ZFYVE26: variants seen among roughly 807,000 people sequenced by gnomAD.
ZFYVE26 encodes the protein zinc finger FYVE domain-containing protein 26.
ZFYVE26 carries 181 observed loss-of-function variants against 276.5 expected under a neutral mutation model. That is an observed-to-expected ratio of 0.65 (90% CI 0.58 to 0.74). ZFYVE26 has a LOEUF of 0.74. Among genes scored for constraint, ZFYVE26 ranks in the 30% least tolerant of loss-of-function variants. The probability of loss-of-function intolerance (pLI) is 0.00; values close to 1 mark genes in which losing one functional copy is unlikely to be tolerated. For missense variants in ZFYVE26, 2,821 were observed against 3,097.9 expected, an observed-to-expected ratio of 0.91 and a Z score of 2.12; for synonymous variants, 1,129 against 1,203.1, an observed-to-expected ratio of 0.94 and a Z score of 1.27.
In ZFYVE26 at chr14:67,807,912, A is replaced by T. The variant is rs753857000; in HGVS notation, c.372T>A (p.Tyr124Ter). ...CTACTGCACCCTGTGTTAAGGTCTC[A>T]TACAGCTCCTAAATAGAGGATGAAG... ...DIPENILEEL[Y>*]ETLTQGAVGH... The change falls in exon 5 of 42, where the codon TAT (tyrosine) becomes TAA (stop). Residue 124 changes from tyrosine (Y) to a stop codon, truncating the protein, a stop_gained. Transcript: ENST00000347230. LOFTEE classifies it high-confidence loss of function. 6.2e-7 allele frequency: 1 copy of T among 1,614,172 alleles called. No homozygotes were observed. Among genetic ancestry groups the T allele is most frequent in the Non-Finnish European group, 8.5e-7 (1 of 1,179,990 alleles).
chr14:67,758,126 G>C (rs2038836080), intron 35 of ZFYVE26, among the ~76,000 whole-genome samples: 1 of 152,190 alleles, frequency 6.6e-6, no homozygotes, highest in Non-Finnish European at 1.5e-5. Flanking sequence ...GGAGAGTCAA[G>C]GATGGCTATA....
chr14:67,784,192 A>C, intron 20 of ZFYVE26, 142 bp downstream of exon 20: 1 of 756,668 alleles, frequency 1.3e-6, no homozygotes, highest in Non-Finnish European at 2.4e-6. Flanking sequence ...TTAAATTTTC[A>C]GTTATATAAG....
intron 9 of ZFYVE26, 55 bp from the exon 10 acceptor site, chr14:67,802,337 A>G: frequency 1.3e-6 from 2 of 1,573,066 alleles, no homozygotes; most frequent in South Asian, 2.2e-5. Flanking sequence ...TCAGGATGCA[A>G]GTATGGGTGA....
At chr14:67,767,377 T>C (rs1266799530) in intron 31 of ZFYVE26, among the ~76,000 whole-genome samples, 1 of 152,118 alleles carries the variant, frequency 6.6e-6, no homozygotes, top group Non-Finnish European at 1.5e-5. Flanking sequence ...ACGGTGTCTT[T>C]GCTCAGATGT....
chr14:67,786,195 T>C lies in ZFYVE26; in HGVS notation c.3058A>G (p.Ile1020Val). ...IDHVLLNADGIRGFPVVLQQI... is the reference protein window; with the variant it reads ...IDHVLLNADGVRGFPVVLQQI... ...TGAAGAACAACTGGAAAACCTCGAA[T>C]GCCATCAGCATTTAGGAGTACGTGG... The change falls in exon 17 of 42, where the codon ATT becomes GTT. Residue 1020 changes from isoleucine (I) to valine (V), a missense_variant. Ile to Val is a conservative substitution (Grantham distance 29). Coordinates refer to ENST00000347230, the MANE Select transcript of ZFYVE26 (RefSeq NM_015346.4). 3 of 1,610,244 alleles carry C rather than the reference T, an allele frequency of 1.9e-6. No homozygotes were observed. The highest frequency in any genetic ancestry group is 2.5e-6 in the Non-Finnish European group (3 of 1,179,776).
At chr14:67,785,590 A>C (rs537599947) in intron 18 of ZFYVE26, among the ~76,000 whole-genome samples, 78 of 152,104 alleles carry the variant, frequency 5.1e-4, no homozygotes, top group African/African-American at 1.9e-3. Flanking sequence ...AGGGTTCATC[A>C]ATATTTACTA....
At chr14:67,812,033 A>G (rs1447682316) in intron 3 of ZFYVE26, among the ~76,000 whole-genome samples, 1 of 151,512 alleles carries the variant, frequency 6.6e-6, no homozygotes, top group East Asian at 1.9e-4. Context: ...GTCTAAGGCC[A>G]TTCATTCAGA....
At chr14:67,809,393 C>A in intron 3 of ZFYVE26, 104 bp from the exon 4 acceptor site, 1 of 689,738 alleles carries the variant, frequency 1.4e-6, no homozygotes, top group Non-Finnish European at 2.4e-6. Flanking sequence ...TGCTATTTCT[C>A]TAAGATGAAG....
chr14:67,767,982 G>T, intron 30 of ZFYVE26, 142 bp from the exon 31 acceptor site: 1 of 1,129,486 alleles, frequency 8.9e-7, no homozygotes, highest in Non-Finnish European at 1.3e-6. Context: ...CCTTTTGTTT[G>T]CTTTAGGACA....
intron 14 of ZFYVE26, among the ~76,000 whole-genome samples, chr14:67,792,913 CAAAAA>C (rs34041446): frequency 5.3e-5 from 3 of 56,808 alleles, no homozygotes; most frequent in Admixed American, 2.5e-4. Flanking sequence ...AAATCTGTCT[CAAAAA>C]AAAAAAAAAA....
At chr14:67,729,599 T>C in exon 14 of ZFYVE26, 1 of 636,874 alleles carries the variant, frequency 1.6e-6, no homozygotes. Flanking sequence ...TATACTCGTG[T>C]GCCGCTTTTC....
In ZFYVE26 at chr14:67,798,318, A is replaced by C. The variant is rs1466130502; in HGVS notation, c.1944T>G (p.His648Gln). Reference sequence around the variant, plus strand: ...AACTGTCTTTTGGCTCTGCCTTCACATGGCTTGGCATTGTATAAGCAAGGG... The same window carrying C: ...AACTGTCTTTTGGCTCTGCCTTCACCTGGCTTGGCATTGTATAAGCAAGGG... ...PKTLAYTMPS[H>Q]VKAEPKDSYP... Residue 648 changes from histidine to glutamine, a missense_variant, in exon 11 of 42, where the codon CAT becomes CAG. His to Gln is a conservative substitution (Grantham distance 24). Coordinates refer to ENST00000347230, the MANE Select transcript of ZFYVE26 (RefSeq NM_015346.4). 1 of 1,613,356 alleles carries C rather than the reference A, an allele frequency of 6.2e-7. No individual in the cohort carries two copies. Among genetic ancestry groups the C allele is most frequent in the Non-Finnish European group, 8.5e-7 (1 of 1,179,714 alleles).
intron 14 of ZFYVE26, among the ~76,000 whole-genome samples, 155 bp downstream of exon 14, chr14:67,793,453 G>A (rs1202831436): frequency 6.6e-6 from 1 of 151,958 alleles, no homozygotes; most frequent in African/African-American, 2.4e-5. Context: ...CCCTGCTGAA[G>A]ACTGGGCCTG....
chr14:67,763,863 C>T (rs2038994726), intron 32 of ZFYVE26, among the ~76,000 whole-genome samples: 2 of 152,132 alleles, frequency 1.3e-5, no homozygotes, highest in Non-Finnish European at 2.9e-5. Context: ...TACAAGTGAC[C>T]CATCTGCTTT....
chr14:67,774,860 G>GAT (rs1465046171), intron 27 of ZFYVE26, among the ~76,000 whole-genome samples, 156 bp downstream of exon 27: 2 of 149,874 alleles, frequency 1.3e-5, no homozygotes, highest in East Asian at 1.9e-4. Context: ...AATCTTTTGA[G>GAT]ATATATATAA....
chr14:67,762,432 T>G lies in ZFYVE26; in HGVS notation c.6160-20A>C. 1 of 1,607,516 alleles carries G rather than the reference T, an allele frequency of 6.2e-7. No homozygotes were observed. The highest frequency in any genetic ancestry group is 8.5e-7 in the Non-Finnish European group (1 of 1,176,422). On this transcript the variant is annotated intron_variant, in intron 33 of 41. Transcript: ENST00000347230. The stretch of plus-strand genomic sequence containing the variant: ...GGAGACCTGGGAGAAAAATTGCCCC[T>G]TTTAGTGAGTGGTAGCTACATTCAG...
rs2039651443 is a variant in ZFYVE26, at chr14:67,786,192, G to A, written c.3061C>T (p.Arg1021Ter). The A allele has an allele frequency of 1.9e-6, 3 of 1,604,202 alleles. No homozygotes were observed. The highest frequency in any genetic ancestry group is 2.5e-6 in the Non-Finnish European group (3 of 1,176,690). ...TGCTGAAGAACAACTGGAAAACCTC[G>A]AATGCCATCAGCATTTAGGAGTACG... The part of the protein sequence containing the change: ...DHVLLNADGI[R>*]GFPVVLQQIS... Residue 1021 changes from arginine to a stop codon, truncating the protein, a stop_gained, in exon 17 of 42, where the codon CGA (arginine) becomes TGA (stop). Transcript: ENST00000347230. LOFTEE classifies it high-confidence loss of function.
At position 67,747,998 on chromosome 14, in the gene ZFYVE26, A is replaced by AG; in HGVS notation, c.*437dup. The AG allele has an allele frequency of 5.1e-6, 1 of 196,502 alleles. No individual in the cohort carries two copies. The highest frequency in any genetic ancestry group is 1.0e-4 in the South Asian group (1 of 9,558). 12.2% of individuals were successfully genotyped at this position (196,502 alleles called of 1,614,324 possible). A position where few individuals can be genotyped will look rare whatever the true frequency, so the allele number is the denominator to read the frequency against. Reference sequence around the variant, plus strand: ...AGGAGCTACTAAAGCACGTCCACAGAGGGGGGACTATACAAACAGGACAAC... The same window carrying AG: ...AGGAGCTACTAAAGCACGTCCACAGAGGGGGGGACTATACAAACAGGACAAC... On this transcript the variant is annotated 3_prime_UTR_variant, in exon 42 of 42. Transcript: ENST00000347230.
At chr14:67,771,907 A>G in intron 28 of ZFYVE26, 140 bp downstream of exon 28, 2 of 1,160,512 alleles carry the variant, frequency 1.7e-6, no homozygotes, top group Non-Finnish European at 1.2e-6. Context: ...GTCAAAAATG[A>G]ACCCAAAGTC....
Sources: allele counts gnomAD v4.1 joint callset (sites outside exome capture counted in the v4.1 genomes callset), GRCh38; gene constraint gnomAD v4.1.1; transcripts MANE v1.5; gene names NCBI Gene and HGNC (gene_info 2026-07-23, HGNC 2026-07-21).